Variants in GSK3B observed in about 807,000 individuals in gnomAD.
GSK3B encodes glycogen synthase kinase 3 beta, also known as glycogen synthase kinase-3 beta.
Under a neutral mutation model 56.4 loss-of-function variants are expected in GSK3B, and 15 were observed. The observed-to-expected ratio is 0.27, with a 90% CI of 0.18 to 0.41. The LOEUF is 0.41. Among genes scored for constraint, GSK3B ranks in the 10% least tolerant of loss-of-function variants. The pLI, the probability that GSK3B is intolerant of heterozygous loss-of-function variation, is 1.00. For missense variants in GSK3B, 300 were observed against 513.4 expected (o/e 0.58, Z 4.02); for synonymous variants, 181 against 188.9 (o/e 0.96, Z 0.34).
In GSK3B at chr3:119,937,632, C is replaced by T. The variant is rs182444967; in HGVS notation, c.366+9636G>A. On this transcript the variant is annotated intron_variant, in intron 3 of 10. Coordinates refer to ENST00000264235, the MANE Select transcript of GSK3B (RefSeq NM_001146156.2). ...CTTACGGGATGCAGCAAAGACAGTG[C>T]TCAGAAGGAAATTTACAGCTGTAAA... 5.2e-4 allele frequency among the ~76,000 whole-genome samples: 79 copies of T among 151,950 alleles called. 1 individual carries two copies. Among genetic ancestry groups the T allele is most frequent in the Non-Finnish European group, 2.9e-5 (2 of 67,986 alleles).
At chr3:119,877,326 C>A (rs1454877216) in intron 7 of GSK3B, among the ~76,000 whole-genome samples, 1 of 151,998 alleles carries the variant, frequency 6.6e-6, no homozygotes, top group Admixed American at 6.6e-5. Context: ...AAGAGATGTT[C>A]GAGTCCCTTA....
At chr3:119,866,608 A>C in intron 8 of GSK3B, 1 of 1,605,390 alleles carries the variant, frequency 6.2e-7, no homozygotes, top group African/African-American at 1.3e-5. Context: ...CTGAGGTGAA[A>C]TGTCCTGTTC....
rs148091188 is a variant in GSK3B at position 120,073,740 on chromosome 3, G to A, written c.88+19607C>T. Among the ~76,000 whole-genome samples the A allele has an allele frequency of 2.6e-4, 39 of 152,280 alleles. 2 individuals are homozygous for A. Among genetic ancestry groups the A allele is most frequent in the Admixed American group, 2.4e-3 (36 of 15,302 alleles). ...GAGAACAGGTTCGAAGTATGGCTAT[G>A]CATCTTGCTGGCTGTGTAAGGCTCT... On this transcript the variant is annotated intron_variant, in intron 1 of 10. Coordinates refer to ENST00000264235, the MANE Select transcript of GSK3B (RefSeq NM_001146156.2).
rs150571680 is a variant in GSK3B at position 119,931,437 on chromosome 3, G to A, written c.367-7954C>T. Among the ~76,000 whole-genome samples, 903 of 152,210 alleles carry A rather than the reference G, an allele frequency of 5.9e-3. 7 individuals are homozygous for A. The highest frequency in any genetic ancestry group is 0.02 in the African/African-American group (848 of 41,518). ...TTAACACCAGCCTGGGCAACATGGC[G>A]AAACCCTGTCTCTACCAAAAATACA... On this transcript the variant is annotated intron_variant, in intron 3 of 10. Transcript: ENST00000264235.
At chr3:120,064,251 G>A (rs1001526148) in intron 1 of GSK3B, among the ~76,000 whole-genome samples, 3 of 151,622 alleles carry the variant, frequency 2.0e-5, no homozygotes, top group Non-Finnish European at 4.4e-5. Flanking sequence ...AAACAAAATC[G>A]GATTTGGAAG....
chr3:120,069,069 C>T (rs1486627312), intron 1 of GSK3B, among the ~76,000 whole-genome samples: 1 of 152,114 alleles, frequency 6.6e-6, no homozygotes, highest in African/African-American at 2.4e-5. Flanking sequence ...AAAGAAGAAA[C>T]CTGTCATTCA....
At chr3:120,055,149 T>C (rs78639483) in intron 1 of GSK3B, among the ~76,000 whole-genome samples, 2,417 of 152,306 alleles carry the variant, frequency 0.016, 63 homozygotes, top group African/African-American at 0.055. Context: ...TCACAGAACA[T>C]GTGTATTTCT....
At chr3:119,834,407 G>A (rs2055655936) in intron 10 of GSK3B, among the ~76,000 whole-genome samples, 1 of 152,176 alleles carries the variant, frequency 6.6e-6, no homozygotes, top group Non-Finnish European at 1.5e-5. Flanking sequence ...AGAACACTAA[G>A]GTAGCCTTCA....
chr3:120,083,467 G>A (rs141688529), intron 1 of GSK3B, among the ~76,000 whole-genome samples: 13 of 152,102 alleles, frequency 8.5e-5, no homozygotes, highest in Admixed American at 3.3e-4. Flanking sequence ...TGGTACATTT[G>A]GGGGGAAGAA....
At chr3:119,940,890 T>C (rs542522505) in intron 3 of GSK3B, among the ~76,000 whole-genome samples, 25 of 152,320 alleles carry the variant, frequency 1.6e-4, no homozygotes, top group African/African-American at 6.0e-4. Flanking sequence ...CATAGAACCG[T>C]TGTGAAGATT....
rs368689105 is a variant in GSK3B at position 119,974,834 on chromosome 3, C to T, written c.282+27212G>A. Among the ~76,000 whole-genome samples the T allele has an allele frequency of 1.6e-4, 24 of 152,280 alleles. No homozygotes were observed. In the South Asian group the frequency reaches 2.7e-3, roughly 17 times the overall value. On this transcript the variant is annotated intron_variant, in intron 2 of 10. Transcript: ENST00000264235. The stretch of plus-strand genomic sequence containing the variant: ...CCAAAACACTGACATCACCAAAGGA[C>T]GGTGAGGATGTGGAGCAACAAGAAC...
At chr3:119,869,528 C>G (rs1197217534) in intron 8 of GSK3B, among the ~76,000 whole-genome samples, 2 of 152,152 alleles carry the variant, frequency 1.3e-5, no homozygotes, top group Admixed American at 1.3e-4. Context: ...GCATAAGAAA[C>G]ACAAAGAATC....
chr3:119,960,230 AG>A (rs2057258471), intron 2 of GSK3B, among the ~76,000 whole-genome samples: 1 of 151,852 alleles, frequency 6.6e-6, no homozygotes, highest in East Asian at 1.9e-4. Context: ...CCTTCTTGAA[AG>A]AAAAAAAGTT....
intron 1 of GSK3B, among the ~76,000 whole-genome samples, chr3:120,009,657 A>G (rs1425450750): frequency 6.6e-6 from 1 of 151,972 alleles, no homozygotes; most frequent in African/African-American, 2.4e-5. Context: ...ACATGGACAC[A>G]GGGAGGTGAA....
intron 8 of GSK3B, among the ~76,000 whole-genome samples, chr3:119,866,067 G>A (rs2056179588): frequency 6.6e-6 from 1 of 152,026 alleles, no homozygotes; most frequent in South Asian, 2.1e-4. Context: ...AAAATTACGT[G>A]GGGTCAAAAC....
At chr3:120,045,881 A>G (rs539728538) in intron 1 of GSK3B, among the ~76,000 whole-genome samples, 1 of 152,370 alleles carries the variant, frequency 6.6e-6, no homozygotes, top group African/African-American at 2.4e-5. Flanking sequence ...TATCCATACA[A>G]TGAGGTATTA....
intron 9 of GSK3B, among the ~76,000 whole-genome samples, chr3:119,853,828 G>A (rs1188177731): frequency 2.6e-5 from 4 of 152,264 alleles, no homozygotes; most frequent in South Asian, 2.1e-4. Flanking sequence ...GGGCTGAGAC[G>A]ATGGGGTTTA....
In GSK3B at chr3:120,009,431, C is replaced by A. The variant is rs142828380; in HGVS notation, c.89-7192G>T. Among the ~76,000 whole-genome samples the A allele has an allele frequency of 4.3e-3, 650 of 152,284 alleles. 2 individuals are homozygous for A. The highest frequency in any genetic ancestry group is 0.015 in the African/African-American group (610 of 41,572). The stretch of plus-strand genomic sequence containing the variant: ...CACAATAGCAAAGAGTTGGAACCAA[C>A]CCAAATGTCCATCAGTGATAGACTG... On this transcript the variant is annotated intron_variant, in intron 1 of 10. Transcript: ENST00000264235.
chr3:120,036,784 C>T (rs1275376869), intron 1 of GSK3B, among the ~76,000 whole-genome samples: 2 of 120,682 alleles, frequency 1.7e-5, no homozygotes, highest in Non-Finnish European at 3.2e-5. Context: ...CAGAGTAAGA[C>T]TCCGACTCAA....
Sources: allele counts gnomAD v4.1 joint callset (sites outside exome capture counted in the v4.1 genomes callset), GRCh38; gene constraint gnomAD v4.1.1; transcripts MANE v1.5; gene names NCBI Gene and HGNC (gene_info 2026-07-23, HGNC 2026-07-21).